BANK1: variants seen among roughly 807,000 people sequenced by gnomAD.
The protein encoded by BANK1 is B-cell scaffold protein with ankyrin repeats.
A neutral mutation model predicts 94.5 loss-of-function variants in BANK1; 95 were observed. That is an observed-to-expected ratio of 1.00 (90% CI 0.85 to 1.19). The LOEUF (loss-of-function observed/expected upper bound fraction) is 1.19, where lower values mean the gene tolerates loss of function less well. Among genes scored for constraint, BANK1 ranks in the 50% most tolerant of loss-of-function variants. The pLI is 0.00. For missense variants in BANK1, 987 were observed against 932.2 expected, an observed-to-expected ratio of 1.06 and a Z score of -0.77; for synonymous variants, 334 against 308.4, an observed-to-expected ratio of 1.08 and a Z score of -0.87.
At chr4:102,020,668 T>A (rs1349457883) in intron 7 of BANK1, among the ~76,000 whole-genome samples, 23 of 152,144 alleles carry the variant, frequency 1.5e-4, no homozygotes, top group Admixed American at 1.5e-3. Flanking sequence ...TGGATGCTTC[T>A]AATTTTTGAA....
chr4:101,922,518 G>C (rs1398004231), intron 7 of BANK1, among the ~76,000 whole-genome samples: 1 of 151,800 alleles, frequency 6.6e-6, no homozygotes, highest in Non-Finnish European at 1.5e-5. Context: ...TGATGGTACA[G>C]AAGGTTGGTG....
At chr4:101,983,947 A>G (rs1363960347) in intron 7 of BANK1, among the ~76,000 whole-genome samples, 2 of 152,048 alleles carry the variant, frequency 1.3e-5, no homozygotes, top group Non-Finnish European at 2.9e-5. Flanking sequence ...TGAAGTGCAC[A>G]AGAAAAAAAA....
chr4:101,933,176 T>C (rs1723414991), intron 7 of BANK1, among the ~76,000 whole-genome samples: 1 of 151,440 alleles, frequency 6.6e-6, no homozygotes. Flanking sequence ...CCAAAAACAA[T>C]GGCCCATGGT....
chr4:101,800,061 C>T (rs1725303839), intron 1 of BANK1, among the ~76,000 whole-genome samples: 2 of 144,134 alleles, frequency 1.4e-5, no homozygotes, highest in Non-Finnish European at 3.0e-5. Context: ...TGTCCTCACT[C>T]ATAGGTGGGA....
chr4:101,863,864 A>G (rs1027610455), intron 4 of BANK1, among the ~76,000 whole-genome samples: 1 of 152,180 alleles, frequency 6.6e-6, no homozygotes, highest in Non-Finnish European at 1.5e-5. Context: ...AAGACACTAT[A>G]GAAATATCAA....
Position 101,829,986 on chromosome 4 carries a change from G to T in BANK1, c.249G>T (p.Leu83Phe), listed in dbSNP as rs1234682500. The T allele has an allele frequency of 6.2e-7, 1 of 1,613,214 alleles. No individual in the cohort carries two copies. Among genetic ancestry groups the T allele is most frequent in the East Asian group, 2.2e-5 (1 of 44,828 alleles). ...TAACGTCTTACAAATGTAAACTTTT[G>T]ATATTATCAAATAGCCTGCTTAGAG... Reference protein sequence around the residue: ...LNLTSYKCKLLILSNSLLRDL... With the variant: ...LNLTSYKCKLFILSNSLLRDL... Residue 83 changes from leucine to phenylalanine, a missense_variant, in exon 2 of 17, where the codon TTG becomes TTT. Coordinates refer to ENST00000322953, the MANE Select transcript of BANK1 (RefSeq NM_017935.5).
chr4:101,843,783 G>A lies in BANK1; in HGVS notation c.470-11252G>A, dbSNP rs1265740787. On this transcript the variant is annotated intron_variant, in intron 2 of 16. Coordinates refer to ENST00000322953, the MANE Select transcript of BANK1 (RefSeq NM_017935.5). The stretch of plus-strand genomic sequence containing the variant: ...TACAAAAAAAAAAGATTAGCTGGGC[G>A]TGCTGGCACGCACCTGTAATGCCAG... 2.6e-5 allele frequency among the ~76,000 whole-genome samples: 4 copies of A among 152,048 alleles called. 1 individual carries two copies. Among genetic ancestry groups the A allele is most frequent in the Non-Finnish European group, 4.4e-5 (3 of 68,020 alleles).
intron 1 of BANK1, among the ~76,000 whole-genome samples, chr4:101,805,314 A>G (rs75655177): frequency 6.6e-6 from 1 of 152,168 alleles, no homozygotes; most frequent in Non-Finnish European, 1.5e-5. Context: ...TATGTCTTTG[A>G]GGTTAACTAA....
chr4:101,849,752 T>C (rs1480653872), intron 2 of BANK1, among the ~76,000 whole-genome samples: 1 of 152,190 alleles, frequency 6.6e-6, no homozygotes, highest in Non-Finnish European at 1.5e-5. Flanking sequence ...CAAATTGTTA[T>C]CTAAACATCA....
chr4:102,028,605 C>A (rs1211683690), intron 9 of BANK1, among the ~76,000 whole-genome samples: 1 of 151,702 alleles, frequency 6.6e-6, no homozygotes, highest in African/African-American at 2.4e-5. Context: ...AGGGCAAATT[C>A]AAAAAAGAAT....
At chr4:101,907,239 G>A (rs1413293117) in intron 6 of BANK1, among the ~76,000 whole-genome samples, 1 of 152,134 alleles carries the variant, frequency 6.6e-6, no homozygotes. Context: ...GGGATGCAAG[G>A]CTGGTTCAAC....
chr4:101,845,936 A>C (rs1427178849), intron 2 of BANK1, among the ~76,000 whole-genome samples: 2 of 152,164 alleles, frequency 1.3e-5, no homozygotes, highest in African/African-American at 4.8e-5. Context: ...ACATATGTAT[A>C]CATGTGCCAT....
chr4:101,849,798 C>A (rs1254319306), intron 2 of BANK1, among the ~76,000 whole-genome samples: 1 of 152,058 alleles, frequency 6.6e-6, no homozygotes, highest in African/African-American at 2.4e-5. Flanking sequence ...GCCGGAAAAA[C>A]TTCGTCATTT....
chr4:101,851,416 G>A (rs947796387), intron 2 of BANK1, among the ~76,000 whole-genome samples: 5 of 152,180 alleles, frequency 3.3e-5, no homozygotes, highest in African/African-American at 1.2e-4. Context: ...TATTTATTAA[G>A]CCTCTACCAT....
At chr4:102,037,371 G>T (rs1454576219) in intron 10 of BANK1, among the ~76,000 whole-genome samples, 1 of 152,200 alleles carries the variant, frequency 6.6e-6, no homozygotes, top group Non-Finnish European at 1.5e-5. Context: ...ATACTTTAGA[G>T]AATGATTATT....
At chr4:101,827,468 G>A (rs939347606) in intron 1 of BANK1, among the ~76,000 whole-genome samples, 2 of 151,870 alleles carry the variant, frequency 1.3e-5, no homozygotes, top group Non-Finnish European at 2.9e-5. Flanking sequence ...TAAAGATGAG[G>A]TTAGAATGTT....
intron 2 of BANK1, among the ~76,000 whole-genome samples, chr4:101,850,529 T>C (rs1405568439): frequency 6.6e-6 from 1 of 151,976 alleles, no homozygotes; most frequent in East Asian, 1.9e-4. Context: ...GTGATCTGCC[T>C]GCCCCAGCCT....
intron 5 of BANK1, among the ~76,000 whole-genome samples, chr4:101,875,672 G>T (rs183293012): frequency 1.4e-3 from 215 of 152,288 alleles, no homozygotes; most frequent in Admixed American, 4.0e-3. Context: ...GGGACACAGA[G>T]CTAAACCATA....
At chr4:102,069,156 GAA>G (rs1360668643) in intron 13 of BANK1, among the ~76,000 whole-genome samples, 2 of 152,324 alleles carry the variant, frequency 1.3e-5, no homozygotes, top group East Asian at 3.9e-4. Flanking sequence ...AGAAGGGCTA[GAA>G]TGAATGTTAT....
Sources: gnomAD v4.1 joint callset for allele counts (sites outside exome capture counted in the v4.1 genomes callset) on GRCh38, gnomAD v4.1.1 for gene constraint, MANE v1.5 for transcripts, NCBI Gene and HGNC (gene_info 2026-07-23, HGNC 2026-07-21) for gene names.